Variants in PTPRD observed in about 807,000 individuals in gnomAD.
PTPRD encodes receptor-type tyrosine-protein phosphatase delta.
Under a neutral mutation model 214.5 loss-of-function variants are expected in PTPRD, and 34 were observed. The observed-to-expected ratio is 0.16, with a 90% CI of 0.12 to 0.21. The LOEUF (loss-of-function observed/expected upper bound fraction) is 0.21, where lower values mean the gene tolerates loss of function less well. Ranked by LOEUF, PTPRD falls within the 10% of genes least tolerant of loss-of-function variation. PTPRD has a pLI of 1.00. For synonymous variants in PTPRD, 1,128 were observed against 845.7 expected (o/e 1.33, Z -5.79); for missense variants, 2,545 against 2,398.7 (o/e 1.06, Z -1.27).
intron 9 of PTPRD, among the ~76,000 whole-genome samples, chr9:9,353,677 C>A (rs1237780898): frequency 1.3e-5 from 2 of 150,984 alleles, no homozygotes; most frequent in African/African-American, 4.9e-5. Context: ...TAAGCATGAG[C>A]ATCAAGTATT....
At chr9:10,117,294 TAGAC>T (rs992530442) in intron 3 of PTPRD, among the ~76,000 whole-genome samples, 1 of 152,134 alleles carries the variant, frequency 6.6e-6, no homozygotes, top group African/African-American at 2.4e-5. Context: ...CCTGAGAAGT[TAGAC>T]AGAAAGTTGA....
intron 5 of PTPRD, among the ~76,000 whole-genome samples, chr9:9,808,888 T>C (rs986516715): frequency 4.6e-5 from 7 of 152,124 alleles, no homozygotes; most frequent in African/African-American, 1.7e-4. Flanking sequence ...CTTCCCACCT[T>C]ACCTCCTGAG....
At chr9:9,766,525 T>C (rs2098708236) in intron 6 of PTPRD, among the ~76,000 whole-genome samples, 1 of 152,182 alleles carries the variant, frequency 6.6e-6, no homozygotes, top group Non-Finnish European at 1.5e-5. Context: ...ACATCTTTCA[T>C]CAACCTTTGA....
chr9:8,550,121 A>G (rs2081564107), intron 14 of PTPRD, among the ~76,000 whole-genome samples: 1 of 152,196 alleles, frequency 6.6e-6, no homozygotes, highest in Non-Finnish European at 1.5e-5. Context: ...CAAGAATTTG[A>G]AAAATTTAGG....
chr9:10,223,584 A>G (rs1288860193), intron 3 of PTPRD, among the ~76,000 whole-genome samples: 1 of 151,430 alleles, frequency 6.6e-6, no homozygotes, highest in Non-Finnish European at 1.5e-5. Context: ...GAATTGTTTG[A>G]ACTTGGGAGA....
intron 2 of PTPRD, among the ~76,000 whole-genome samples, chr9:10,359,185 C>T (rs2154465543): frequency 6.6e-6 from 1 of 151,910 alleles, no homozygotes; most frequent in Non-Finnish European, 1.5e-5. Context: ...GTTCAGCCAT[C>T]CTTTCTACAT....
chr9:9,171,947 T>C (rs1192633117), intron 10 of PTPRD, among the ~76,000 whole-genome samples: 1 of 152,152 alleles, frequency 6.6e-6, no homozygotes, highest in Non-Finnish European at 1.5e-5. Flanking sequence ...AGGCTGTTTA[T>C]GATAGATGAT....
intron 11 of PTPRD, among the ~76,000 whole-genome samples, chr9:8,753,896 G>A (rs2093749766): frequency 6.6e-6 from 1 of 152,152 alleles, no homozygotes. Context: ...TGTAATCCCA[G>A]CACTTTAGGA....
chr9:10,363,994 T>TTTTTG (rs1373077226), intron 2 of PTPRD, among the ~76,000 whole-genome samples: 190 of 67,242 alleles, frequency 2.8e-3, no homozygotes, highest in South Asian at 9.7e-3. Flanking sequence ...TTTTCGGGTT[T>TTTTTG]TTTTTTTTTT....
In PTPRD at chr9:8,632,145, GTGTC is replaced by G. The variant is rs764939098; in HGVS notation, c.352+1168_352+1171del. 3.1e-3 allele frequency among the ~76,000 whole-genome samples: 426 copies of G among 138,368 alleles called. 2 individuals are homozygous for G. The highest frequency in any genetic ancestry group is 0.019 in the South Asian group (89 of 4,700). 90.8% of individuals were successfully genotyped at this position (138,368 alleles called of 152,430 possible). Reference sequence around the variant, plus strand: ...TTTGTGTGTGTGTGTGTGTGTGTGTGTGTCTGTGTGTGTGTGTGTTTAGTTTCAA... The same window carrying G: ...TTTGTGTGTGTGTGTGTGTGTGTGTGTGTGTGTGTGTGTGTTTAGTTTCAA... On this transcript the variant is annotated intron_variant, in intron 14 of 45. Transcript: ENST00000381196.
intron 2 of PTPRD, among the ~76,000 whole-genome samples, chr9:10,524,906 C>G (rs1431735190): frequency 6.7e-6 from 1 of 149,776 alleles, no homozygotes; most frequent in Non-Finnish European, 1.5e-5. Flanking sequence ...ATTGTAAAAA[C>G]AAACCAAAAT....
intron 14 of PTPRD, among the ~76,000 whole-genome samples, chr9:8,624,838 C>G (rs2095961712): frequency 6.6e-6 from 1 of 151,800 alleles, no homozygotes; most frequent in African/African-American, 2.4e-5. Flanking sequence ...GTTCTCTTTC[C>G]CTTTGCCTCG....
chr9:8,567,096 G>C (rs2089534777), intron 14 of PTPRD, among the ~76,000 whole-genome samples: 1 of 152,026 alleles, frequency 6.6e-6, no homozygotes, highest in Admixed American at 6.6e-5. Context: ...TTTCCTAAAT[G>C]ACACAATATT....
intron 32 of PTPRD, among the ~76,000 whole-genome samples, chr9:8,463,082 C>G (rs1381251494): frequency 6.6e-6 from 1 of 151,350 alleles, no homozygotes. Flanking sequence ...ATGTTTTAAC[C>G]TGCATCTTTA....
chr9:10,501,794 C>G (rs756320540), intron 2 of PTPRD, among the ~76,000 whole-genome samples: 5 of 151,974 alleles, frequency 3.3e-5, no homozygotes, highest in Non-Finnish European at 7.4e-5. Flanking sequence ...AATAAATACA[C>G]TCTAATTGCT....
At chr9:9,066,660 AAG>A (rs1221223322) in intron 10 of PTPRD, among the ~76,000 whole-genome samples, 29 of 152,272 alleles carry the variant, frequency 1.9e-4, no homozygotes, top group Admixed American at 1.9e-3. Context: ...ATATGCTTGT[AAG>A]AGAGAGGCAG....
At chr9:10,495,321 A>T (rs2041716285) in intron 2 of PTPRD, among the ~76,000 whole-genome samples, 1 of 151,862 alleles carries the variant, frequency 6.6e-6, no homozygotes, top group African/African-American at 2.4e-5. Context: ...GAGAGACATA[A>T]GGAAAGACTG....
At chr9:8,748,624 A>G (rs1275366925) in intron 11 of PTPRD, among the ~76,000 whole-genome samples, 8 of 151,844 alleles carry the variant, frequency 5.3e-5, no homozygotes, top group Non-Finnish European at 2.9e-5. Context: ...ATAAATCTTC[A>G]TCACTGGCCA....
chr9:10,072,652 T>A (rs2098048469), intron 3 of PTPRD, among the ~76,000 whole-genome samples: 1 of 152,072 alleles, frequency 6.6e-6, no homozygotes, highest in Non-Finnish European at 1.5e-5. Flanking sequence ...TGACTGCTTT[T>A]AGGATCGTGC....
Sources: allele counts gnomAD v4.1 joint callset (sites outside exome capture counted in the v4.1 genomes callset), GRCh38; gene constraint gnomAD v4.1.1; transcripts MANE v1.5; gene names NCBI Gene and HGNC (gene_info 2026-07-23, HGNC 2026-07-21).